Variants in FERMT1 observed in about 807,000 individuals in gnomAD.
FERMT1 encodes the protein fermitin family homolog 1.
In FERMT1, 60 loss-of-function variants were observed where a neutral mutation model predicts 85.3. The ratio of observed to expected loss-of-function variants is 0.70; its 90% CI spans 0.57 to 0.87. FERMT1 has a LOEUF of 0.87. Among genes scored for constraint, FERMT1 ranks in the 40% least tolerant of loss-of-function variants. The probability of loss-of-function intolerance (pLI) is 0.00; values close to 1 mark genes in which losing one functional copy is unlikely to be tolerated. For missense variants in FERMT1, 701 were observed against 818.9 expected (o/e 0.86, Z 1.76); for synonymous variants, 275 against 301.1 (o/e 0.91, Z 0.90).
intron 12 of FERMT1, 115 bp downstream of exon 12, chr20:6,084,951 C>A: frequency 1.9e-6 from 2 of 1,034,156 alleles, no homozygotes; most frequent in Non-Finnish European, 3.0e-6. Flanking sequence ...CCTTGGCCTC[C>A]CAAAGTGCTG....
Position 6,076,640 on chromosome 20 carries a change from C to A in FERMT1, c.*533G>T, listed in dbSNP as rs768192573. 33 of 356,192 alleles carry A rather than the reference C, an allele frequency of 9.3e-5. No homozygotes were observed. The highest frequency in any genetic ancestry group is 1.8e-4 in the Non-Finnish European group (33 of 180,178). 22.1% of individuals were successfully genotyped at this position (356,192 alleles called of 1,614,324 possible). On this transcript the variant is annotated 3_prime_UTR_variant, in exon 15 of 15. Coordinates refer to ENST00000217289, the MANE Select transcript of FERMT1 (RefSeq NM_017671.5). Reference sequence around the variant, plus strand: ...TAGCCCCACCCCTCCCCTTTCTACCCCTAGACCTTGGCCTCCAGGGAAAAA... The same window carrying A: ...TAGCCCCACCCCTCCCCTTTCTACCACTAGACCTTGGCCTCCAGGGAAAAA...
chr20:6,119,383 C>G, intron 2 of FERMT1, 21 bp downstream of exon 2: 1 of 1,613,244 alleles, frequency 6.2e-7, no homozygotes, highest in Non-Finnish European at 8.5e-7. Flanking sequence ...ACAGAGAAAC[C>G]GTAAAGCAAG....
At chr20:6,079,219 G>A (rs770444261) in intron 14 of FERMT1, among the ~76,000 whole-genome samples, 4 of 152,232 alleles carry the variant, frequency 2.6e-5, no homozygotes, top group Non-Finnish European at 4.4e-5. Context: ...TGGAGACTAA[G>A]CCAACTTGCA....
intron 2 of FERMT1, among the ~76,000 whole-genome samples, chr20:6,117,196 T>C (rs1164910520): frequency 5.9e-5 from 9 of 152,238 alleles, no homozygotes; most frequent in Non-Finnish European, 1.2e-4. Flanking sequence ...TCTTTTATTT[T>C]GCAAAATGAA....
Position 6,107,637 on chromosome 20 carries a change from A to G in FERMT1, c.747-3T>C, listed in dbSNP as rs199725731. Reference sequence around the variant, plus strand: ...GGGAGCGTGAGGAGTCTAGCCAACTAGAAAATGACAGCATGAGTTTTAGAA... The same window carrying G: ...GGGAGCGTGAGGAGTCTAGCCAACTGGAAAATGACAGCATGAGTTTTAGAA... On this transcript the variant is annotated splice_region_variant and splice_polypyrimidine_tract_variant and intron_variant, in intron 5 of 14. Transcript: ENST00000217289. The G allele has an allele frequency of 2.3e-5, 36 of 1,556,964 alleles. No individual in the cohort carries two copies. In the Admixed American group the frequency reaches 3.5e-4, roughly 15 times the overall value.
Position 6,119,549 on chromosome 20 carries a change from C to T in FERMT1, c.6G>A (p.Leu2=), listed in dbSNP as rs954829581. The T allele has an allele frequency of 1.2e-6, 2 of 1,613,872 alleles. No individual in the cohort carries two copies. The highest frequency in any genetic ancestry group is 1.3e-5 in the African/African-American group (1 of 74,912). Residue 2 remains leucine, a synonymous_variant, in exon 2 of 15, where the codon CTG becomes CTA. Transcript: ENST00000217289. The stretch of plus-strand genomic sequence containing the variant: ...AAGCAAATGTAAAGTCAGTGGATGA[C>T]AGCATTGTGGCAAATGCTGGTGTCT... M[L]SSTDFTFASW...
Position 6,076,475 on chromosome 20 carries a change from G to T in FERMT1, c.*698C>A. 1 of 517,362 alleles carries T rather than the reference G, an allele frequency of 1.9e-6. No individual in the cohort carries two copies. The highest frequency in any genetic ancestry group is 3.9e-6 in the Non-Finnish European group (1 of 259,326). The allele number at this position is 517,362 out of a possible 1,614,324, so 32.0% of individuals were successfully genotyped here. ...GAGAGATCTGTAGGAATGGAATGGG[G>T]CTTGCAGGTGGCCCCAGAAATCTGA... On this transcript the variant is annotated 3_prime_UTR_variant, in exon 15 of 15. Coordinates refer to ENST00000217289, the MANE Select transcript of FERMT1 (RefSeq NM_017671.5).
chr20:6,095,500 C>T (rs1267595487), intron 8 of FERMT1, among the ~76,000 whole-genome samples: 3 of 152,228 alleles, frequency 2.0e-5, no homozygotes, highest in East Asian at 1.9e-4. Flanking sequence ...ACTCCTGCTA[C>T]ACCTAGGTCA....
chr20:6,118,463 T>C (rs960865460), intron 2 of FERMT1, among the ~76,000 whole-genome samples: 1 of 152,128 alleles, frequency 6.6e-6, no homozygotes, highest in African/African-American at 2.4e-5. Context: ...TTACAAGACT[T>C]TGTGAAAATC....
At position 6,110,651 on chromosome 20, in the gene FERMT1, C is replaced by T. The variant is rs1982922429; in HGVS notation, c.533-140G>A. On this transcript the variant is annotated intron_variant, in intron 4 of 14. Coordinates refer to ENST00000217289, the MANE Select transcript of FERMT1 (RefSeq NM_017671.5). ...TTAAAATAATATAAGTCAAGCTGGG[C>T]ACTGTGGCCCGCGTCTATAATCCTA... 7 of 724,780 alleles carry T rather than the reference C, an allele frequency of 9.7e-6. No individual in the cohort carries two copies. The Admixed American group carries it at 1.5e-4, about 15-fold the overall frequency. The allele number at this position is 724,780 out of a possible 1,614,324, so 44.9% of individuals were successfully genotyped here. A position where few individuals can be genotyped will look rare whatever the true frequency, so the allele number is the denominator to read the frequency against.
At chr20:6,105,468 C>G (rs1415393577) in intron 6 of FERMT1, among the ~76,000 whole-genome samples, 1 of 152,194 alleles carries the variant, frequency 6.6e-6, no homozygotes, top group Non-Finnish European at 1.5e-5. Context: ...ACTCTGTGAC[C>G]ACCAGAATCA....
intron 11 of FERMT1, among the ~76,000 whole-genome samples, chr20:6,086,933 C>T (rs1033433949): frequency 9.9e-5 from 15 of 152,106 alleles, no homozygotes; most frequent in African/African-American, 3.4e-4. Flanking sequence ...AATACACCCC[C>T]CACCACTGCC....
intron 9 of FERMT1, among the ~76,000 whole-genome samples, chr20:6,092,131 T>C (rs1157144370): frequency 1.3e-5 from 2 of 152,170 alleles, no homozygotes; most frequent in Admixed American, 1.3e-4. Flanking sequence ...GTTGTGGATA[T>C]TCCCCTCTAG....
In FERMT1 at chr20:6,104,772, A is replaced by G. The variant is rs568129449; in HGVS notation, c.849+2760T>C. 6.6e-6 allele frequency among the ~76,000 whole-genome samples: 1 copy of G among 152,130 alleles called. No individual in the cohort carries two copies. Among genetic ancestry groups the G allele is most frequent in the Admixed American group, 6.5e-5 (1 of 15,274 alleles). ...CCCCTTCTGGAGTACGATTCGTTTG[A>G]TTTCTTCCACTTTTTAGACAAATAC... On this transcript the variant is annotated intron_variant, in intron 6 of 14. Transcript: ENST00000217289. This position sits in a 1 kb window ranked among gnomAD's most constrained non-coding sequence, Gnocchi z 4.2.
At chr20:6,122,029 A>G (rs1983290781) in intron 1 of FERMT1, among the ~76,000 whole-genome samples, 1 of 152,254 alleles carries the variant, frequency 6.6e-6, no homozygotes, top group South Asian at 2.1e-4. Context: ...AATGTTTTGT[A>G]TATAAAGAAA....
At chr20:6,084,409 G>A (rs1982103404) in intron 12 of FERMT1, among the ~76,000 whole-genome samples, 1 of 152,144 alleles carries the variant, frequency 6.6e-6, no homozygotes, top group African/African-American at 2.4e-5. Flanking sequence ...GAGCTCTGGG[G>A]TCCCTCTGTC....
rs752037149 is a variant in FERMT1, at chr20:6,097,050, C to G, written c.958-17G>C. 6.2e-7 allele frequency: 1 copy of G among 1,611,410 alleles called. No individual in the cohort carries two copies. The highest frequency in any genetic ancestry group is 8.5e-7 in the Non-Finnish European group (1 of 1,177,912). The stretch of plus-strand genomic sequence containing the variant: ...AATGTGGTACTAAAATGAAAACAGA[C>G]GTTTTAGAAATGTTATAAACAGAAA... On this transcript the variant is annotated splice_polypyrimidine_tract_variant and intron_variant, in intron 7 of 14. Transcript: ENST00000217289.
intron 3 of FERMT1, 28 bp from the exon 4 acceptor site, chr20:6,112,651 A>T: frequency 6.9e-7 from 1 of 1,453,352 alleles, no homozygotes; most frequent in Non-Finnish European, 9.3e-7. Flanking sequence ...TTAAAAATGA[A>T]GAAAAAGTAA....
chr20:6,101,956 T>C (rs554857542), intron 6 of FERMT1, among the ~76,000 whole-genome samples: 2 of 152,200 alleles, frequency 1.3e-5, no homozygotes, highest in East Asian at 1.9e-4. Context: ...GTGCCCGCCC[T>C]ATGTTTGAGT....
Sources: allele counts gnomAD v4.1 joint callset (sites outside exome capture counted in the v4.1 genomes callset), GRCh38; gene constraint gnomAD v4.1.1; non-coding constraint Gnocchi (gnomAD v3.1); transcripts MANE v1.5; gene names NCBI Gene and HGNC (gene_info 2026-07-23, HGNC 2026-07-21).